PNPLA3: variants seen among roughly 807,000 people sequenced by gnomAD.
PNPLA3 encodes the protein 1-acylglycerol-3-phosphate O-acyltransferase PNPLA3.
Under a neutral mutation model 43.1 loss-of-function variants are expected in PNPLA3, and 42 were observed. The ratio of observed to expected loss-of-function variants is 0.97; its 90% CI spans 0.76 to 1.26. The LOEUF is 1.26. Ranked by LOEUF, PNPLA3 falls within the 50% of genes most tolerant of loss-of-function variation. The pLI is 0.00. For synonymous variants in PNPLA3, 272 were observed against 253.6 expected (o/e 1.07, Z -0.69); for missense variants, 647 against 621.4 (o/e 1.04, Z -0.44).
chr22:43,937,634 G>T (rs2046723846), intron 6 of PNPLA3, among the ~76,000 whole-genome samples: 1 of 152,100 alleles, frequency 6.6e-6, no homozygotes, highest in Non-Finnish European at 1.5e-5. Context: ...TGCCATCCTG[G>T]ATTTCATGGA....
chr22:43,929,818 A>G (rs1369804481), intron 3 of PNPLA3, among the ~76,000 whole-genome samples: 1 of 152,058 alleles, frequency 6.6e-6, no homozygotes, highest in Non-Finnish European at 1.5e-5. Context: ...GCTGGTCTCC[A>G]ACTCCTGACC....
rs971241243 is a variant in PNPLA3, at chr22:43,946,585, G to C, written c.*203G>C. ...TCCAGCACTTAACTCTAATACATCA[G>C]CATGCGTTAATTCAGCTGGTTGGGA... On this transcript the variant is annotated 3_prime_UTR_variant, in exon 9 of 9. Coordinates refer to ENST00000216180, the MANE Select transcript of PNPLA3 (RefSeq NM_025225.3). The C allele has an allele frequency of 5.7e-5, 41 of 714,880 alleles. No individual in the cohort carries two copies. Among genetic ancestry groups the C allele is most frequent in the Non-Finnish European group, 4.3e-5 (17 of 391,844 alleles). The allele number at this position is 714,880 out of a possible 1,614,324, so 44.3% of individuals were successfully genotyped here.
intron 2 of PNPLA3, among the ~76,000 whole-genome samples, chr22:43,927,887 T>C (rs2049935419): frequency 6.6e-6 from 1 of 152,166 alleles, no homozygotes; most frequent in African/African-American, 2.4e-5. Flanking sequence ...TTTCAAATAA[T>C]TCCTCCCTTT....
At chr22:43,929,599 CTT>C (rs201016637) in intron 3 of PNPLA3, among the ~76,000 whole-genome samples, 24 of 128,720 alleles carry the variant, frequency 1.9e-4, no homozygotes, top group Admixed American at 2.5e-4. Flanking sequence ...TTTTTCTTTT[CTT>C]TTTTTTTTTT....
rs761047708 is a variant in PNPLA3, at chr22:43,932,834, C to A, written c.487-44C>A. The A allele has an allele frequency of 1.9e-6, 3 of 1,572,226 alleles. No homozygotes were observed. The South Asian group carries it at 3.3e-5, about 17-fold the overall frequency. Reference sequence around the variant, plus strand: ...CTTGTTAAGCACTTAAGCACTAACCCAGAGCTTCAGACAGTGCCAGTCCTT... The same window carrying A: ...CTTGTTAAGCACTTAAGCACTAACCAAGAGCTTCAGACAGTGCCAGTCCTT... On this transcript the variant is annotated intron_variant, in intron 3 of 8. Transcript: ENST00000216180.
At position 43,943,799 on chromosome 22, in the gene PNPLA3, T is replaced by C. The variant is rs1409340452; in HGVS notation, c.1113-892T>C. On this transcript the variant is annotated intron_variant, in intron 7 of 8. Transcript: ENST00000216180. ...GTCATGTCCTTTGATCCTTTTTTTT[T>C]GTTTTTTGAGATGGAGTCTCTCTGT... Among the ~76,000 whole-genome samples, 5 of 152,304 alleles carry C rather than the reference T, an allele frequency of 3.3e-5. No homozygotes were observed. In the East Asian group the frequency reaches 5.8e-4, roughly 18 times the overall value.
chr22:43,939,864 T>C (rs2073081), intron 6 of PNPLA3, 129 bp from the exon 7 acceptor site: 247,178 of 1,304,216 alleles, frequency 0.19, 27,709 homozygotes, highest in Admixed American at 0.45. Context: ...CTTGTCGCTT[T>C]TGTGAGTGCC....
intron 1 of PNPLA3, among the ~76,000 whole-genome samples, chr22:43,924,749 G>A (rs2146772124): frequency 6.6e-6 from 1 of 151,664 alleles, no homozygotes; most frequent in East Asian, 1.9e-4. Flanking sequence ...CCAGGTTCAC[G>A]CCATTCTCCT....
intron 6 of PNPLA3, 54 bp downstream of exon 6, chr22:43,937,326 T>C (rs894990061): frequency 3.3e-6 from 5 of 1,531,888 alleles, no homozygotes; most frequent in Non-Finnish European, 4.5e-6. Context: ...TTCTTGTGCA[T>C]TATGGAGGAA....
intron 3 of PNPLA3, among the ~76,000 whole-genome samples, chr22:43,930,110 G>C (rs1041489008): frequency 1.3e-5 from 2 of 152,142 alleles, no homozygotes; most frequent in Admixed American, 6.5e-5. Context: ...CGTGGCAGAG[G>C]GACTCGCATT....
At chr22:43,924,764 C>T (rs1325203934) in intron 1 of PNPLA3, among the ~76,000 whole-genome samples, 2 of 152,014 alleles carry the variant, frequency 1.3e-5, no homozygotes, top group African/African-American at 4.8e-5. Flanking sequence ...TCTCCTGCCT[C>T]AGCCTCCCGA....
intron 5 of PNPLA3, 94 bp downstream of exon 5, chr22:43,934,760 T>A: frequency 8.3e-7 from 1 of 1,203,748 alleles, no homozygotes; most frequent in East Asian, 2.3e-5. Context: ...GTTCTAACAC[T>A]TAGTGCCCAA....
intron 4 of PNPLA3, among the ~76,000 whole-genome samples, chr22:43,934,057 C>T (rs1425011133): frequency 6.6e-6 from 1 of 152,124 alleles, no homozygotes; most frequent in African/African-American, 2.4e-5. Context: ...TGGCTCACGC[C>T]TGTAATCCCA....
At position 43,946,787 on chromosome 22, in the gene PNPLA3, T is replaced by G. The variant is rs754233486; in HGVS notation, c.*405T>G. ...ATCTTGTGGGGTGGAGGGAAGAGAA[T>G]AGCATGATCCCACTTCCCCATGCTG... On this transcript the variant is annotated 3_prime_UTR_variant, in exon 9 of 9. Coordinates refer to ENST00000216180, the MANE Select transcript of PNPLA3 (RefSeq NM_025225.3). The G allele has an allele frequency of 1.9e-6, 1 of 519,020 alleles. No homozygotes were observed. The highest frequency in any genetic ancestry group is 3.8e-6 in the Non-Finnish European group (1 of 260,924). The allele number at this position is 519,020 out of a possible 1,614,324, so 32.2% of individuals were successfully genotyped here. A position where few individuals can be genotyped will look rare whatever the true frequency, so the allele number is the denominator to read the frequency against.
At chr22:43,926,152 A>T (rs965497699) in intron 1 of PNPLA3, among the ~76,000 whole-genome samples, 2 of 152,218 alleles carry the variant, frequency 1.3e-5, no homozygotes, top group Non-Finnish European at 2.9e-5. Flanking sequence ...GCTGAGGCTA[A>T]CTTGGCAGGA....
intron 1 of PNPLA3, among the ~76,000 whole-genome samples, chr22:43,925,496 A>T (rs2049916293): frequency 6.6e-6 from 1 of 152,002 alleles, no homozygotes; most frequent in Non-Finnish European, 1.5e-5. Flanking sequence ...GCCCCCTTTT[A>T]TCTGGGCTTC....
intron 1 of PNPLA3, among the ~76,000 whole-genome samples, chr22:43,925,465 C>T (rs368798867): frequency 2.0e-5 from 3 of 152,290 alleles, no homozygotes; most frequent in Admixed American, 6.5e-5. Flanking sequence ...CGTCCCCAGG[C>T]AGGAGATTAT....
At chr22:43,945,198 C>T (rs1224958770) in intron 8 of PNPLA3, among the ~76,000 whole-genome samples, 1 of 152,124 alleles carries the variant, frequency 6.6e-6, no homozygotes, top group Non-Finnish European at 1.5e-5. Context: ...GAGGTGGGAC[C>T]CTGGAGGGGC....
At position 43,923,856 on chromosome 22, in the gene PNPLA3, C is replaced by A; in HGVS notation, c.-56C>A. The stretch of plus-strand genomic sequence containing the variant: ...AGCTGCTGCGGATCAGGACCCGAGC[C>A]GATTCCCGATCCCGACCCAGATCCT... On this transcript the variant is annotated 5_prime_UTR_variant, in exon 1 of 9. Coordinates refer to ENST00000216180, the MANE Select transcript of PNPLA3 (RefSeq NM_025225.3). The A allele has an allele frequency of 7.0e-7, 1 of 1,423,408 alleles. No homozygotes were observed. The highest frequency in any genetic ancestry group is 9.2e-7 in the Non-Finnish European group (1 of 1,089,766). The allele number at this position is 1,423,408 out of a possible 1,614,324, so 88.2% of individuals were successfully genotyped here. A position where few individuals can be genotyped will look rare whatever the true frequency, so the allele number is the denominator to read the frequency against.
Sources: allele counts gnomAD v4.1 joint callset (sites outside exome capture counted in the v4.1 genomes callset), GRCh38; gene constraint gnomAD v4.1.1; transcripts MANE v1.5; gene names NCBI Gene and HGNC (gene_info 2026-07-23, HGNC 2026-07-21).